The following SLC24A2 variants were observed in gnomAD, a reference collection of about 807,000 sequenced individuals.
SLC24A2 encodes solute carrier family 24 member 2.
In SLC24A2, 36 loss-of-function variants were observed where a neutral mutation model predicts 62.0. The ratio of observed to expected loss-of-function variants is 0.58; its 90% CI spans 0.44 to 0.77. SLC24A2 has a LOEUF of 0.77. SLC24A2 is among the 30% of genes least tolerant of loss of function. The pLI is 0.00. For missense variants in SLC24A2, 846 were observed against 817.9 expected (o/e 1.03, Z -0.42); for synonymous variants, 358 against 294.0 (o/e 1.22, Z -2.23).
chr9:19,781,348 A>G (rs540102165), intron 2 of SLC24A2, among the ~76,000 whole-genome samples: 1 of 152,092 alleles, frequency 6.6e-6, no homozygotes, highest in Admixed American at 6.6e-5. Flanking sequence ...AGAGGAAAAG[A>G]AGGACAAAGA....
At chr9:19,683,183 G>A (rs529527439) in intron 2 of SLC24A2, among the ~76,000 whole-genome samples, 22 of 152,048 alleles carry the variant, frequency 1.4e-4, no homozygotes, top group Non-Finnish European at 2.1e-4. Flanking sequence ...TATGCTAGAC[G>A]CTGTAAGTGC....
chr9:19,883,289 G>T, the SLC24A2 span, among the ~76,000 whole-genome samples: 4,019 of 152,156 alleles, frequency 0.026, 184 homozygotes, highest in African/African-American at 0.092. Context: ...TAAACTTCTA[G>T]TATCATAATT....
chr9:19,756,903 CTTTTTT>C (rs780450451), intron 2 of SLC24A2, among the ~76,000 whole-genome samples: 6 of 78,522 alleles, frequency 7.6e-5, no homozygotes, highest in African/African-American at 1.5e-4. Context: ...TTTACTGAAG[CTTTTTT>C]TTTTTTTTTT....
chr9:19,853,282 A>G, the SLC24A2 span, among the ~76,000 whole-genome samples: 4 of 152,112 alleles, frequency 2.6e-5, no homozygotes, highest in Non-Finnish European at 5.9e-5. Context: ...CTCTCTTCTT[A>G]TTTGAATACC....
the SLC24A2 span, among the ~76,000 whole-genome samples, chr9:19,795,530 G>A: frequency 1.3e-5 from 2 of 152,110 alleles, no homozygotes; most frequent in African/African-American, 4.8e-5. Flanking sequence ...CTGGTCTCTA[G>A]AAAGAACCAT....
the SLC24A2 span, among the ~76,000 whole-genome samples, chr9:20,135,755 T>C: frequency 6.6e-6 from 1 of 152,108 alleles, no homozygotes; most frequent in South Asian, 2.1e-4. Context: ...TTTCTGAGAA[T>C]GCATTTCTGT....
chr9:19,971,342 G>T, the SLC24A2 span, among the ~76,000 whole-genome samples: 1 of 152,164 alleles, frequency 6.6e-6, no homozygotes, highest in East Asian at 1.9e-4. Flanking sequence ...TATACAGCAT[G>T]ATTATGGTAC....
intron 2 of SLC24A2, among the ~76,000 whole-genome samples, chr9:19,668,930 CTGAA>C (rs1314808953): frequency 6.6e-6 from 1 of 152,134 alleles, no homozygotes; most frequent in African/African-American, 2.4e-5. Flanking sequence ...GTACATAGTA[CTGAA>C]TGAATAAGTG....
the SLC24A2 span, among the ~76,000 whole-genome samples, chr9:20,295,036 G>GTATGTATATATATATATATATATA: frequency 4.1e-4 from 60 of 145,678 alleles, 1 homozygote; most frequent in African/African-American, 1.5e-3. Context: ...GTGTATATAT[G>GTATGTATATATATATATATATATA]TATATATATA....
At chr9:19,713,675 G>A (rs1820779700) in intron 2 of SLC24A2, among the ~76,000 whole-genome samples, 1 of 152,118 alleles carries the variant, frequency 6.6e-6, no homozygotes, top group African/African-American at 2.4e-5. Context: ...GTGTTTCCAA[G>A]AGGTTTTTAT....
At chr9:20,139,857 C>T in the SLC24A2 span, among the ~76,000 whole-genome samples, 6 of 152,310 alleles carry the variant, frequency 3.9e-5, no homozygotes, top group South Asian at 1.0e-3. Flanking sequence ...GAGGAAAAGA[C>T]TGAAGGCTGT....
the SLC24A2 span, among the ~76,000 whole-genome samples, chr9:19,947,508 C>T: frequency 3.1e-4 from 47 of 151,852 alleles, no homozygotes; most frequent in African/African-American, 1.1e-3. Context: ...GAAATTAGTT[C>T]GGCCGGGTGT....
At chr9:20,141,350 C>T in the SLC24A2 span, among the ~76,000 whole-genome samples, 3 of 151,996 alleles carry the variant, frequency 2.0e-5, no homozygotes, top group African/African-American at 7.2e-5. Context: ...GCAGTTAGCC[C>T]CCCTTACTCC....
chr9:20,044,942 G>A, the SLC24A2 span, among the ~76,000 whole-genome samples: 15,624 of 151,190 alleles, frequency 0.1, 816 homozygotes, highest in East Asian at 0.17. Context: ...AGATTTATCT[G>A]GTATGTGGCT....
the SLC24A2 span, among the ~76,000 whole-genome samples, chr9:19,936,971 A>G: frequency 1.3e-5 from 2 of 152,310 alleles, no homozygotes; most frequent in East Asian, 1.9e-4. Context: ...TTCTGTCCTC[A>G]CTCGTATGTT....
chr9:19,534,585 C>T (rs1586908053), intron 8 of SLC24A2, among the ~76,000 whole-genome samples: 1 of 151,966 alleles, frequency 6.6e-6, no homozygotes, highest in African/African-American at 2.4e-5. Flanking sequence ...TCAACTCCCA[C>T]TTATGAGTGA....
chr9:19,674,092 T>G (rs955757876), intron 2 of SLC24A2, among the ~76,000 whole-genome samples: 66 of 152,134 alleles, frequency 4.3e-4, no homozygotes, highest in African/African-American at 1.5e-3. Context: ...CTCTCAGCAT[T>G]TGTCTGAAAA....
Position 19,560,708 on chromosome 9 carries a change from G to A in SLC24A2, c.1348-10440C>T, listed in dbSNP as rs189312737. Among the ~76,000 whole-genome samples the A allele has an allele frequency of 9.2e-5, 14 of 152,152 alleles. 1 individual carries two copies. The East Asian group carries it at 2.7e-3, about 29-fold the overall frequency. Reference sequence around the variant, plus strand: ...CAGTAGGCTAATACAATGCCCATAAGGATGTTTATCTTTTTCAAAGGTCTC... The same window carrying A: ...CAGTAGGCTAATACAATGCCCATAAAGATGTTTATCTTTTTCAAAGGTCTC... On this transcript the variant is annotated intron_variant, in intron 7 of 10. Coordinates refer to ENST00000341998, the MANE Select transcript of SLC24A2 (RefSeq NM_020344.4).
chr9:19,888,613 G>A, the SLC24A2 span, among the ~76,000 whole-genome samples: 1 of 152,118 alleles, frequency 6.6e-6, no homozygotes, highest in African/African-American at 2.4e-5. Flanking sequence ...TGGAAGAGTA[G>A]AAATGCAAAG....
Sources: allele counts gnomAD v4.1 joint callset (sites outside exome capture counted in the v4.1 genomes callset), GRCh38; gene constraint gnomAD v4.1.1; transcripts MANE v1.5; gene names NCBI Gene and HGNC (gene_info 2026-07-23, HGNC 2026-07-21).